Variants in ZAN observed in about 807,000 individuals in gnomAD.
ZAN encodes the protein zonadhesin (gene/pseudogene).
Under a neutral mutation model 286.2 loss-of-function variants are expected in ZAN, and 260 were observed. That is an observed-to-expected ratio of 0.91 (90% CI 0.82 to 1.01). The LOEUF is 1.01. ZAN is among the 50% of genes least tolerant of loss of function. ZAN has a pLI of 0.00. For synonymous variants in ZAN, 1,368 were observed against 1,417.5 expected (o/e 0.97, Z 0.79); for missense variants, 3,410 against 3,639.2 (o/e 0.94, Z 1.62).
intron 34 of ZAN, among the ~76,000 whole-genome samples, chr7:100,778,169 T>G (rs746733655): frequency 2.0e-5 from 3 of 151,198 alleles, no homozygotes; most frequent in African/African-American, 7.3e-5. Context: ...TAGCCAGCCA[T>G]GGTGGCACAT....
At position 100,736,590 on chromosome 7, in the gene ZAN, A is replaced by C. The variant is rs770372717; in HGVS notation, c.214A>C (p.Thr72Pro). ...GGTTCGAGCCAGTGGGCCCTCTCCC[A>C]CCGGCTCCACCGGGGCCCCCGGGGG... Reference protein sequence around the residue: ...DWVRASGPSPTGSTGAPGGYP... With the variant: ...DWVRASGPSPPGSTGAPGGYP... Residue 72 changes from threonine to proline, a missense_variant, in exon 4 of 48, where the codon ACC (threonine) becomes CCC (proline). By Grantham distance (38) the Thr-to-Pro change is conservative (BLOSUM62 -1). This residue lies in a region of ZAN where 872 missense variants were observed against 938.9 expected (regional missense o/e 0.93). Coordinates refer to ENST00000613979, the MANE Select transcript of ZAN (RefSeq NM_003386.3). 2 of 1,522,536 alleles carry C rather than the reference A, an allele frequency of 1.3e-6. No homozygotes were observed. Among genetic ancestry groups the C allele is most frequent in the South Asian group, 2.3e-5 (2 of 88,822 alleles). 94.3% of individuals were successfully genotyped at this position (1,522,536 alleles called of 1,614,324 possible).
chr7:100,790,038 C>A (rs1333950131), intron 39 of ZAN, among the ~76,000 whole-genome samples: 1 of 151,806 alleles, frequency 6.6e-6, no homozygotes, highest in South Asian at 2.1e-4. Flanking sequence ...ACGGGAGGAT[C>A]GCTTGAGGCC....
At chr7:100,749,411 A>T (rs374688695) in intron 11 of ZAN, among the ~76,000 whole-genome samples, 9 of 150,274 alleles carry the variant, frequency 6.0e-5, no homozygotes, top group African/African-American at 1.5e-4. Context: ...GAGGCCAAGG[A>T]GGGCGGATCA....
intron 28 of ZAN, among the ~76,000 whole-genome samples, chr7:100,770,871 T>G (rs544962512): frequency 6.6e-6 from 1 of 152,052 alleles, no homozygotes; most frequent in South Asian, 2.1e-4. Flanking sequence ...TGGTGTGATC[T>G]CAGCTCACTG....
At chr7:100,768,844 G>A in intron 27 of ZAN, 123 bp downstream of exon 27, 2 of 768,064 alleles carry the variant, frequency 2.6e-6, no homozygotes, top group Non-Finnish European at 4.0e-6. Flanking sequence ...CAACTGGCAG[G>A]AAACTGGCAA....
At chr7:100,745,357 C>G (rs1808125792) in intron 7 of ZAN, among the ~76,000 whole-genome samples, 1 of 151,752 alleles carries the variant, frequency 6.6e-6, no homozygotes, top group African/African-American at 2.4e-5. Context: ...AGGCAAGACT[C>G]CCTTGGACTC....
At chr7:100,769,422 G>C (rs1197306702) in intron 27 of ZAN, among the ~76,000 whole-genome samples, 4 of 152,022 alleles carry the variant, frequency 2.6e-5, no homozygotes, top group Admixed American at 1.3e-4. Flanking sequence ...CGGTTTGGGA[G>C]ATGGTTCCTC....
Position 100,791,086 on chromosome 7 carries a change from C to A in ZAN, c.7502C>A (p.Thr2501Asn), listed in dbSNP as rs1811919680. The change falls in exon 40 of 48, where the codon ACC becomes AAC. Residue 2501 changes from threonine (T) to asparagine (N), a missense_variant. Physicochemically the swap from Thr to Asn is moderately conservative, Grantham distance 65. This residue lies in a region of ZAN where 1,289 missense variants were observed against 1,314.3 expected (regional missense o/e 0.98). Transcript: ENST00000613979. The part of the protein sequence containing the change: ...NTFGNSWEVK[T>N]EDALLRFPRA... ...TTTGGCAACAGCTGGGAGGTGAAGACCGAGGACGCACTCCTGCGCTTCCCC... is the reference window on the plus strand; with the variant it reads ...TTTGGCAACAGCTGGGAGGTGAAGAACGAGGACGCACTCCTGCGCTTCCCC... The A allele has an allele frequency of 1.2e-6, 2 of 1,612,586 alleles. No individual in the cohort carries two copies. Among genetic ancestry groups the A allele is most frequent in the African/African-American group, 2.7e-5 (2 of 74,856 alleles).
intron 46 of ZAN, 41 bp from the exon 47 acceptor site, chr7:100,797,536 G>A (rs2116377545): frequency 6.2e-7 from 1 of 1,613,534 alleles, no homozygotes. Context: ...GCCCGTAAAG[G>A]GCCACTTGGG....
rs1238090175 is a variant in ZAN, at chr7:100,764,081, T to C, written c.4152T>C (p.Asp1384=). 1 of 1,613,772 alleles carries C rather than the reference T, an allele frequency of 6.2e-7. No individual in the cohort carries two copies. Among genetic ancestry groups the C allele is most frequent in the Non-Finnish European group, 8.5e-7 (1 of 1,179,804 alleles). ...CCTTCTTCGACAGCTGCATGCTTGA[T>C]ATGTGCGGATTCCAGGGGCTGCAGC... ...AASFFDSCML[D]MCGFQGLQHL... The change falls in exon 22 of 48, where the codon GAT becomes GAC. Residue 1384 remains aspartate, a synonymous_variant. Coordinates refer to ENST00000613979, the MANE Select transcript of ZAN (RefSeq NM_003386.3).
chr7:100,763,363 TTTTG>T lies in ZAN; in HGVS notation c.3987-423_3987-420del, dbSNP rs1057048159. ...GTTCTTTCAGTTGCTCAATATTCTT[TTTTG>T]TTTGTTTGTTTGTTTGTTTTTAGAG... On this transcript the variant is annotated intron_variant, in intron 20 of 47. Coordinates refer to ENST00000613979, the MANE Select transcript of ZAN (RefSeq NM_003386.3). The surrounding 1 kb of genome is among the most constrained non-coding windows in gnomAD (Gnocchi z 4.6). 4.0e-5 allele frequency among the ~76,000 whole-genome samples: 6 copies of T among 151,880 alleles called. No individual in the cohort carries two copies. Among genetic ancestry groups the T allele is most frequent in the African/African-American group, 1.2e-4 (5 of 41,356 alleles).
In ZAN at chr7:100,786,712, C is replaced by A. The variant is rs552072145; in HGVS notation, c.6979+571C>A. On this transcript the variant is annotated intron_variant, in intron 37 of 47. Coordinates refer to ENST00000613979, the MANE Select transcript of ZAN (RefSeq NM_003386.3). ...AGGCATGAGCCACTGTGCCCGCCCC[C>A]TCTAAGGTTTTTAATCAGGCCAGGA... 9.9e-5 allele frequency among the ~76,000 whole-genome samples: 15 copies of A among 152,240 alleles called. No homozygotes were observed. The South Asian group carries it at 3.1e-3, about 32-fold the overall frequency.
chr7:100,771,817 G>T, intron 28 of ZAN, 27 bp from the exon 29 acceptor site: 1 of 1,593,878 alleles, frequency 6.3e-7, no homozygotes, highest in Non-Finnish European at 8.6e-7. Context: ...CCCTCCCCTG[G>T]CTCATCTGCC....
chr7:100,746,779 G>A (rs1808252058), intron 8 of ZAN, 77 bp downstream of exon 8: 1 of 1,514,376 alleles, frequency 6.6e-7, no homozygotes, highest in Non-Finnish European at 9.1e-7. Context: ...GAAACATGGG[G>A]CATCCCTCAG....
chr7:100,743,405 T>C (rs999483858), intron 7 of ZAN, among the ~76,000 whole-genome samples: 1 of 152,090 alleles, frequency 6.6e-6, no homozygotes, highest in African/African-American at 2.4e-5. Flanking sequence ...CTTCTTTCTC[T>C]TTCTACTGTT....
intron 42 of ZAN, 133 bp from the exon 43 acceptor site, chr7:100,793,687 C>G: frequency 1.1e-6 from 1 of 923,912 alleles, no homozygotes; most frequent in Non-Finnish European, 1.6e-6. Context: ...ATCCACCTGC[C>G]TCATCCTCCC....
intron 28 of ZAN, 127 bp from the exon 29 acceptor site, chr7:100,771,717 C>A (rs1782582657): frequency 1.2e-5 from 12 of 1,011,572 alleles, no homozygotes. Flanking sequence ...CAGGTGTGAG[C>A]CACTGTGCCT....
chr7:100,762,740 C>G (rs569056787), intron 20 of ZAN, among the ~76,000 whole-genome samples: 1 of 140,318 alleles, frequency 7.1e-6, no homozygotes, highest in Admixed American at 7.2e-5. Flanking sequence ...GCCCTCCACC[C>G]GCCCTTTTTT....
chr7:100,789,125 T>C, intron 38 of ZAN, 93 bp from the exon 39 acceptor site: 1 of 1,511,568 alleles, frequency 6.6e-7, no homozygotes, highest in African/African-American at 1.4e-5. Flanking sequence ...CGGAGACATA[T>C]GGAGATGACT....
Sources: gnomAD v4.1 joint callset for allele counts (sites outside exome capture counted in the v4.1 genomes callset) on GRCh38, gnomAD v4.1.1 for gene constraint, gnomAD v4.1.1 regional missense constraint, Gnocchi (gnomAD v3.1) non-coding constraint, MANE v1.5 for transcripts, NCBI Gene and HGNC (gene_info 2026-07-23, HGNC 2026-07-21) for gene names.